Variants in FRYL observed in about 807,000 individuals in gnomAD.
FRYL encodes protein furry homolog-like.
FRYL carries 150 observed loss-of-function variants against 351.2 expected under a neutral mutation model. That is an observed-to-expected ratio of 0.43 (90% CI 0.37 to 0.49). The LOEUF (loss-of-function observed/expected upper bound fraction) is 0.49, where lower values mean the gene tolerates loss of function less well. FRYL is among the 20% of genes least tolerant of loss of function. The pLI is 0.00. For synonymous variants in FRYL, 1,153 were observed against 1,257.1 expected (o/e 0.92, Z 1.75); for missense variants, 3,036 against 3,619.3 (o/e 0.84, Z 4.13).
At chr4:48,552,779 T>C (rs1049104941) in intron 36 of FRYL, among the ~76,000 whole-genome samples, 7 of 152,160 alleles carry the variant, frequency 4.6e-5, no homozygotes, top group African/African-American at 1.7e-4. Context: ...AGAGATAATT[T>C]AAAATATTTC....
chr4:48,550,487 G>A (rs907636284), intron 38 of FRYL, 105 bp downstream of exon 38: 6 of 720,776 alleles, frequency 8.3e-6, no homozygotes, highest in African/African-American at 3.5e-5. Flanking sequence ...AGTTAAATAC[G>A]CTTTTTAAAA....
chr4:48,591,647 T>C (rs139032346), intron 16 of FRYL, among the ~76,000 whole-genome samples: 24 of 152,312 alleles, frequency 1.6e-4, no homozygotes, highest in African/African-American at 5.8e-4. Context: ...CTCCCTGACC[T>C]GGGTATTAAA....
chr4:48,527,765 A>C (rs1204487615), intron 52 of FRYL, 112 bp from the exon 53 acceptor site: 9 of 1,160,706 alleles, frequency 7.8e-6, no homozygotes, highest in Non-Finnish European at 9.8e-6. Context: ...ATGAATTCAC[A>C]GCTTAAATTT....
intron 44 of FRYL, among the ~76,000 whole-genome samples, chr4:48,542,582 A>T: frequency 6.6e-6 from 1 of 152,126 alleles, no homozygotes; most frequent in East Asian, 1.9e-4. Flanking sequence ...ACACCTAGCT[A>T]ATTTTTGTAT....
chr4:48,557,227 C>A, intron 34 of FRYL, 109 bp from the exon 35 acceptor site: 2 of 1,309,946 alleles, frequency 1.5e-6, no homozygotes, highest in South Asian at 3.2e-5. Flanking sequence ...TAGCTTTAAT[C>A]GTTTCCACAC....
At position 48,531,332 on chromosome 4, in the gene FRYL, G is replaced by A; in HGVS notation, c.6727C>T (p.Leu2243Phe). The A allele has an allele frequency of 6.2e-7, 1 of 1,613,226 alleles. No individual in the cohort carries two copies. Among genetic ancestry groups the A allele is most frequent in the Non-Finnish European group, 8.5e-7 (1 of 1,179,522 alleles). Residue 2243 changes from leucine (L) to phenylalanine (F), a missense_variant, in exon 50 of 64, where the codon CTT becomes TTT. By Grantham distance (22) the Leu-to-Phe change is conservative. Coordinates refer to ENST00000358350, the MANE Select transcript of FRYL (RefSeq NM_015030.2). ...GACACCACCAGCTTTAATATGTTAA[G>A]GGCTTCCTTCCAGTAAGGACTCTGG... Reference protein sequence around the residue: ...YVQSPYWKEALNILKLVVSRS... With the variant: ...YVQSPYWKEAFNILKLVVSRS...
intron 7 of FRYL, among the ~76,000 whole-genome samples, chr4:48,617,282 G>A (rs1345190230): frequency 6.6e-6 from 1 of 151,616 alleles, no homozygotes; most frequent in African/African-American, 2.4e-5. Context: ...TGAACCATGG[G>A]TCAGAAATGA....
intron 45 of FRYL, 41 bp downstream of exon 45, chr4:48,541,986 C>G (rs1367746279): frequency 7.4e-7 from 1 of 1,355,040 alleles, no homozygotes; most frequent in Non-Finnish European, 1.1e-6. Context: ...GTTAGCTATT[C>G]AAGTTCTCTC....
rs1731673169 is a variant in FRYL at position 48,547,779 on chromosome 4, A to G, written c.4889-10T>C. On this transcript the variant is annotated splice_polypyrimidine_tract_variant and intron_variant, in intron 40 of 63. Transcript: ENST00000358350. ...TGGCAGTGGTCAAACCCTAAAAAGG[A>G]TAGTAGAGAAACATTATCAATAAAG... 1 of 1,432,878 alleles carries G rather than the reference A, an allele frequency of 7.0e-7. No individual in the cohort carries two copies. Among genetic ancestry groups the G allele is most frequent in the Non-Finnish European group, 9.3e-7 (1 of 1,074,610 alleles). The allele number at this position is 1,432,878 out of a possible 1,614,324, so 88.8% of individuals were successfully genotyped here. A position where few individuals can be genotyped will look rare whatever the true frequency, so the allele number is the denominator to read the frequency against.
At position 48,602,494 on chromosome 4, in the gene FRYL, C is replaced by CT. The variant is rs1745913276; in HGVS notation, c.934-374dup. Among the ~76,000 whole-genome samples, 3 of 152,144 alleles carry CT rather than the reference C, an allele frequency of 2.0e-5. No homozygotes were observed. The South Asian group carries it at 6.2e-4, about 32-fold the overall frequency. ...CTTCACGATGGCTACATTAGGTACT[C>CT]TAAGCCTCACTTTCCAAACACATAA... On this transcript the variant is annotated intron_variant, in intron 12 of 63. Coordinates refer to ENST00000358350, the MANE Select transcript of FRYL (RefSeq NM_015030.2).
chr4:48,656,891 C>CT (rs1759339587), intron 3 of FRYL, among the ~76,000 whole-genome samples: 1 of 152,062 alleles, frequency 6.6e-6, no homozygotes. Flanking sequence ...TATATGTAGA[C>CT]TAACTCAATA....
rs1424672553 is a variant in FRYL at position 48,499,008 on chromosome 4, G to A, written c.*414C>T. 1 of 184,964 alleles carries A rather than the reference G, an allele frequency of 5.4e-6. No individual in the cohort carries two copies. The highest frequency in any genetic ancestry group is 1.1e-5 in the Non-Finnish European group (1 of 88,024). The allele number at this position is 184,964 out of a possible 1,614,324, so 11.5% of individuals were successfully genotyped here. A position where few individuals can be genotyped will look rare whatever the true frequency, so the allele number is the denominator to read the frequency against. On this transcript the variant is annotated 3_prime_UTR_variant, in exon 64 of 64. Transcript: ENST00000358350. ...TTTTCAACTGCTAGAAATCCAAGCA[G>A]CTTTGCAGGTCTTCAGCTAAAATGA...
In FRYL at chr4:48,567,341, G is replaced by A; in HGVS notation, c.3076C>T (p.Leu1026=). 6.2e-7 allele frequency: 1 copy of A among 1,612,520 alleles called. No homozygotes were observed. The highest frequency in any genetic ancestry group is 8.5e-7 in the Non-Finnish European group (1 of 1,179,162). Reference sequence around the variant, plus strand: ...GAGTCTTTTTCATTTTCTGCTTCCAGGAGTTGTCTAGTTAAATCTACATAT... The same window carrying A: ...GAGTCTTTTTCATTTTCTGCTTCCAAGAGTTGTCTAGTTAAATCTACATAT... The part of the protein sequence containing the change: ...LEYVDLTRQL[L]EAENEKDSDT... Residue 1026 remains leucine (L), a synonymous_variant, in exon 28 of 64, where the codon CTG becomes TTG. Transcript: ENST00000358350. The surrounding 1 kb of genome is among the most constrained non-coding windows in gnomAD (Gnocchi z 4.2).
intron 21 of FRYL, 74 bp downstream of exon 21, chr4:48,581,346 T>G: frequency 7.5e-7 from 1 of 1,335,118 alleles, no homozygotes; most frequent in Non-Finnish European, 1.0e-6. Context: ...CCTACCTACA[T>G]GGGATAAGGA....
chr4:48,690,677 G>A (rs1176171506), intron 2 of FRYL, among the ~76,000 whole-genome samples: 1 of 152,058 alleles, frequency 6.6e-6, no homozygotes, highest in African/African-American at 2.4e-5. Flanking sequence ...ATTTAAAGAT[G>A]CAACATCTAA....
intron 31 of FRYL, among the ~76,000 whole-genome samples, chr4:48,563,731 G>C (rs371259325): frequency 6.6e-6 from 1 of 151,124 alleles, no homozygotes; most frequent in Non-Finnish European, 1.5e-5. Context: ...AGGAGTATAC[G>C]GGAGGATTTG....
At position 48,780,260 on chromosome 4, in the gene FRYL, C is replaced by G. The variant is rs1252613521; in HGVS notation, c.-566G>C. ...AACCGGATTTCTCTCTCGCTCTCTC[C>G]CAGAGCCCGACGGGCGCCCGGCTGT... is the stretch of plus-strand genomic sequence containing the variant. On this transcript the variant is annotated 5_prime_UTR_variant, in exon 1 of 64. Transcript: ENST00000358350. 5.2e-5 allele frequency: 8 copies of G among 152,790 alleles called. No homozygotes were observed. The allele number at this position is 152,790 out of a possible 1,614,324, so 9.5% of individuals were successfully genotyped here.
At chr4:48,699,188 A>T (rs896089338) in intron 2 of FRYL, among the ~76,000 whole-genome samples, 11 of 152,234 alleles carry the variant, frequency 7.2e-5, no homozygotes, top group Non-Finnish European at 1.6e-4. Flanking sequence ...ATTAAAATGC[A>T]ATTATTTTCA....
intron 26 of FRYL, chr4:48,572,057 G>A (rs1370953458): frequency 1.1e-6 from 1 of 897,914 alleles, no homozygotes; most frequent in African/African-American, 1.8e-5. Flanking sequence ...TGAATTAAAG[G>A]AGAATGAGGA....
Sources: allele counts gnomAD v4.1 joint callset (sites outside exome capture counted in the v4.1 genomes callset), GRCh38; gene constraint gnomAD v4.1.1; non-coding constraint Gnocchi (gnomAD v3.1); transcripts MANE v1.5; gene names NCBI Gene and HGNC (gene_info 2026-07-23, HGNC 2026-07-21).